The following CNTNAP1 variants were observed in gnomAD, a reference collection of about 807,000 sequenced individuals.
CNTNAP1 encodes the protein contactin associated protein 1.
A neutral mutation model predicts 161.5 loss-of-function variants in CNTNAP1; 80 were observed. That is an observed-to-expected ratio of 0.50 (90% CI 0.41 to 0.60). CNTNAP1 has a LOEUF of 0.60. Ranked by LOEUF, CNTNAP1 falls within the 20% of genes least tolerant of loss-of-function variation. The pLI is 0.00. For synonymous variants in CNTNAP1, 695 were observed against 733.1 expected (o/e 0.95, Z 0.84); for missense variants, 1,464 against 1,854.8 (o/e 0.79, Z 3.87).
chr17:42,690,250 A>G (rs2053067817), intron 12 of CNTNAP1, 43 bp downstream of exon 12: 1 of 1,610,004 alleles, frequency 6.2e-7, no homozygotes, highest in African/African-American at 1.3e-5. Flanking sequence ...GGGGAGAACC[A>G]GGAAGGATAG....
Position 42,691,063 on chromosome 17 carries a change from C to G in CNTNAP1, c.2060-74C>G. 6.3e-7 allele frequency: 1 copy of G among 1,596,356 alleles called. No individual in the cohort carries two copies. Among genetic ancestry groups the G allele is most frequent in the Non-Finnish European group, 8.5e-7 (1 of 1,170,582 alleles). On this transcript the variant is annotated intron_variant, in intron 13 of 23. Coordinates refer to ENST00000264638, the MANE Select transcript of CNTNAP1 (RefSeq NM_003632.3). This position sits in a 1 kb window ranked among gnomAD's most constrained non-coding sequence, Gnocchi z 4.3. ...GAAGATTCAAGGAGGGGTCTGAACT[C>G]GCTGGAAGGGCGAGAGGAGCCCAGA... is the stretch of plus-strand genomic sequence containing the variant.
rs2053184790 is a variant in CNTNAP1 at position 42,698,640 on chromosome 17, G to A, written c.3885G>A (p.Leu1295=). 6.3e-7 allele frequency: 1 copy of A among 1,599,760 alleles called. No homozygotes were observed. ...CAGTTTTGGTGGCCTTTCTGCTGCT[G>A]GGGCTGGTGGGAATGTTGGTGCTCT... The part of the protein sequence containing the change: ...LLGFLVAFLL[L]GLVGMLVLFY... The change falls in exon 24 of 24, where the codon CTG becomes CTA. Residue 1295 remains leucine, a synonymous_variant. Transcript: ENST00000264638.
chr17:42,697,411 A>G (rs760410986), intron 21 of CNTNAP1, 44 bp downstream of exon 21: 56 of 1,608,678 alleles, frequency 3.5e-5, no homozygotes, highest in Non-Finnish European at 4.8e-5. Flanking sequence ...GAGCTGTGGC[A>G]TATGTTCCTG....
At position 42,696,141 on chromosome 17, in the gene CNTNAP1, C is replaced by T; in HGVS notation, c.3463C>T (p.Leu1155Phe). 6.2e-7 allele frequency: 1 copy of T among 1,614,170 alleles called. No homozygotes were observed. Among genetic ancestry groups the T allele is most frequent in the Non-Finnish European group, 8.5e-7 (1 of 1,180,032 alleles). Residue 1155 changes from leucine (L) to phenylalanine (F), a missense_variant, in exon 20 of 24, where the codon CTC (leucine) becomes TTC (phenylalanine). Around this residue, in one of 3 missense-constraint regions of CNTNAP1, gnomAD observed 1,383 missense variants for 1,765.0 expected, o/e 0.78. Coordinates refer to ENST00000264638, the MANE Select transcript of CNTNAP1 (RefSeq NM_003632.3). Reference sequence around the variant, plus strand: ...CAATATCACCCGTGTTTACCGGAACCTCTTCATCCAGGTATGCATAGAGGG... The same window carrying T: ...CAATATCACCCGTGTTTACCGGAACTTCTTCATCCAGGTATGCATAGAGGG... ...SINITRVYRN[L>F]FIQVDYFPLT...
Position 42,691,403 on chromosome 17 carries a change from C to T in CNTNAP1, c.2236C>T (p.Leu746=), listed in dbSNP as rs200228308. 48 of 1,614,112 alleles carry T rather than the reference C, an allele frequency of 3.0e-5. No individual in the cohort carries two copies. The East Asian group carries it at 1.0e-3, about 34-fold the overall frequency. ...QPQWRTDKGL[L]TFVDHLPVTQ... Reference sequence around the variant, plus strand: ...CCACAGGAGAACTGACAAGGGACTGCTGACCTTTGTGGACCATCTGCCTGT... The same window carrying T: ...CCACAGGAGAACTGACAAGGGACTGTTGACCTTTGTGGACCATCTGCCTGT... Residue 746 remains leucine (L), a synonymous_variant, in exon 15 of 24, where the codon CTG becomes TTG. Coordinates refer to ENST00000264638, the MANE Select transcript of CNTNAP1 (RefSeq NM_003632.3). This position sits in a 1 kb window ranked among gnomAD's most constrained non-coding sequence, Gnocchi z 4.3.
Position 42,692,631 on chromosome 17 carries a change from G to A in CNTNAP1, c.2663G>A (p.Arg888Gln), listed in dbSNP as rs372141725. The A allele has an allele frequency of 1.3e-4, 217 of 1,614,094 alleles. No homozygotes were observed. Among genetic ancestry groups the A allele is most frequent in the Non-Finnish European group, 1.8e-4 (208 of 1,180,044 alleles). ...VRAEINVKQA[R>Q]LRVDHRPWVL... is the part of the protein sequence containing the mutation. ...GCTGAAATCAACGTGAAGCAGGCCCGGCTCCGAGTGGATCACCGGCCCTGG... is the reference window on the plus strand; with the variant it reads ...GCTGAAATCAACGTGAAGCAGGCCCAGCTCCGAGTGGATCACCGGCCCTGG... The change falls in exon 17 of 24, where the codon CGG becomes CAG. Residue 888 changes from arginine to glutamine, a missense_variant. Arg to Gln is a conservative substitution (Grantham distance 43). Transcript: ENST00000264638.
chr17:42,693,342 C>G lies in CNTNAP1; in HGVS notation c.2798C>G (p.Ala933Gly). The G allele has an allele frequency of 6.2e-7, 1 of 1,614,182 alleles. No individual in the cohort carries two copies. The highest frequency in any genetic ancestry group is 2.2e-5 in the East Asian group (1 of 44,874). ...KRRPFVGCLR[A>G]MRLNGVTLNL... ...CGCCCCTTTGTGGGTTGCTTGAGGGCCATGCGTCTGAACGGAGTGACTCTG... is the reference window on the plus strand; with the variant it reads ...CGCCCCTTTGTGGGTTGCTTGAGGGGCATGCGTCTGAACGGAGTGACTCTG... The change falls in exon 18 of 24, where the codon GCC becomes GGC. Residue 933 changes from alanine to glycine, a missense_variant. Coordinates refer to ENST00000264638, the MANE Select transcript of CNTNAP1 (RefSeq NM_003632.3).
In CNTNAP1 at chr17:42,689,595, T is replaced by C. The variant is rs749050042; in HGVS notation, c.1703T>C (p.Leu568Pro). Residue 568 changes from leucine to proline, a missense_variant, in exon 11 of 24, where the codon CTG (leucine) becomes CCG (proline). Coordinates refer to ENST00000264638, the MANE Select transcript of CNTNAP1 (RefSeq NM_003632.3). ...SWDDFICYCE[L>P]TGYKGETCHT... Reference sequence around the variant, plus strand: ...GATGACTTCATTTGCTACTGCGAACTGACGGGCTACAAGGGAGAGACCTGC... The same window carrying C: ...GATGACTTCATTTGCTACTGCGAACCGACGGGCTACAAGGGAGAGACCTGC... The C allele has an allele frequency of 1.2e-6, 2 of 1,613,926 alleles. No homozygotes were observed.
chr17:42,694,517 C>T (rs1451463877), intron 18 of CNTNAP1, among the ~76,000 whole-genome samples: 2 of 151,914 alleles, frequency 1.3e-5, no homozygotes, highest in Non-Finnish European at 2.9e-5. Flanking sequence ...TTAGGCCTAG[C>T]TACTCGGGAG....
rs1358716939 is a variant in CNTNAP1, at chr17:42,685,271, G to A, written c.566G>A (p.Arg189Gln). 2 of 1,613,764 alleles carry A rather than the reference G, an allele frequency of 1.2e-6. No homozygotes were observed. Among genetic ancestry groups the A allele is most frequent in the African/African-American group, 1.3e-5 (1 of 75,078 alleles). Residue 189 changes from arginine (R) to glutamine (Q), a missense_variant, in exon 5 of 24, where the codon CGA (arginine) becomes CAA (glutamine). This residue lies in a region of CNTNAP1 where 1,383 missense variants were observed against 1,765.0 expected (regional missense o/e 0.78). Coordinates refer to ENST00000264638, the MANE Select transcript of CNTNAP1 (RefSeq NM_003632.3). The surrounding 1 kb of genome is among the most constrained non-coding windows in gnomAD (Gnocchi z 5.0). ...GDDAISYRFP[R>Q]GVSRSLWDVF... ...GATGCCATCTCCTACCGCTTCCCGCGAGGGGTCAGCCGAAGCCTGTGGGAC... is the reference window on the plus strand; with the variant it reads ...GATGCCATCTCCTACCGCTTCCCGCAAGGGGTCAGCCGAAGCCTGTGGGAC...
rs2053030356 is a variant in CNTNAP1, at chr17:42,687,302, T to TG, written c.1044+258dup. 1.1e-5 allele frequency: 6 copies of TG among 528,774 alleles called. No individual in the cohort carries two copies. The highest frequency in any genetic ancestry group is 2.0e-5 in the Non-Finnish European group (6 of 300,210). 32.8% of individuals were successfully genotyped at this position (528,774 alleles called of 1,614,324 possible). On this transcript the variant is annotated intron_variant, in intron 7 of 23. Transcript: ENST00000264638. The surrounding 1 kb of genome is among the most constrained non-coding windows in gnomAD (Gnocchi z 4.7). ...GAAAGTAAGGCGCAGACACAGGGAGTGGCTTGTCCAGGGGTCGTGCAGCTG... is the reference window on the plus strand; with the variant it reads ...GAAAGTAAGGCGCAGACACAGGGAGTGGGCTTGTCCAGGGGTCGTGCAGCTG...
intron 19 of CNTNAP1, 23 bp from the exon 20 acceptor site, chr17:42,696,002 A>G (rs1310332712): frequency 6.2e-7 from 1 of 1,612,206 alleles, no homozygotes; most frequent in East Asian, 2.2e-5. Flanking sequence ...TGAGACCCCA[A>G]ATTTCTTCTC....
At position 42,687,828 on chromosome 17, in the gene CNTNAP1, G is replaced by C. The variant is rs780268591; in HGVS notation, c.1153G>C (p.Val385Leu). 3.1e-6 allele frequency: 5 copies of C among 1,614,258 alleles called. No individual in the cohort carries two copies. In the South Asian group the frequency reaches 5.5e-5, roughly 18 times the overall value. Residue 385 changes from valine to leucine, a missense_variant, in exon 8 of 24, where the codon GTC becomes CTC. By Grantham distance (32) the Val-to-Leu change is conservative (BLOSUM62 1). Around this residue, in one of 3 missense-constraint regions of CNTNAP1, gnomAD observed 1,383 missense variants for 1,765.0 expected, o/e 0.78. Coordinates refer to ENST00000264638, the MANE Select transcript of CNTNAP1 (RefSeq NM_003632.3). The surrounding 1 kb of genome is among the most constrained non-coding windows in gnomAD (Gnocchi z 4.7). ...TTTCCCACGCCGTGGCCGCCTGGCA[G>C]TCTCATTTCGCTTCCGCACCTGGGA... The part of the protein sequence containing the change: ...PGFPRRGRLA[V>L]SFRFRTWDLT...
In CNTNAP1 at chr17:42,687,271, G is replaced by A. The variant is rs2053029907; in HGVS notation, c.1044+225G>A. 1.7e-6 allele frequency: 1 copy of A among 578,656 alleles called. No homozygotes were observed. Among genetic ancestry groups the A allele is most frequent in the Non-Finnish European group, 3.0e-6 (1 of 335,396 alleles). 35.8% of individuals were successfully genotyped at this position (578,656 alleles called of 1,614,324 possible). A position where few individuals can be genotyped will look rare whatever the true frequency, so the allele number is the denominator to read the frequency against. ...GGTCCAATCACCTTCTTAGTTCATA[G>A]ATGAAGAAAGTAAGGCGCAGACACA... On this transcript the variant is annotated intron_variant, in intron 7 of 23. Coordinates refer to ENST00000264638, the MANE Select transcript of CNTNAP1 (RefSeq NM_003632.3). The surrounding 1 kb of genome is among the most constrained non-coding windows in gnomAD (Gnocchi z 4.7).
rs948826252 is a variant in CNTNAP1 at position 42,685,560 on chromosome 17, G to A, written c.715+140G>A. The A allele has an allele frequency of 1.4e-5, 11 of 773,504 alleles. No homozygotes were observed. The African/African-American group carries it at 1.6e-4, about 11-fold the overall frequency. The allele number at this position is 773,504 out of a possible 1,614,324, so 47.9% of individuals were successfully genotyped here. A position where few individuals can be genotyped will look rare whatever the true frequency, so the allele number is the denominator to read the frequency against. ...GCCTGGACCAAACTGCCCCTTTCTT[G>A]TAGCATTTGGTGCTAGCAAAACACT... On this transcript the variant is annotated intron_variant, in intron 5 of 23. Coordinates refer to ENST00000264638, the MANE Select transcript of CNTNAP1 (RefSeq NM_003632.3). The surrounding 1 kb of genome is among the most constrained non-coding windows in gnomAD (Gnocchi z 5.0).
chr17:42,692,772 C>A, intron 17 of CNTNAP1, 52 bp downstream of exon 17: 1 of 1,509,734 alleles, frequency 6.6e-7, no homozygotes, highest in Non-Finnish European at 9.0e-7. Flanking sequence ...TCCCCATCCT[C>A]CAAGGCCACT....
chr17:42,690,150 A>C lies in CNTNAP1; in HGVS notation c.1798A>C (p.Ile600Leu). The change falls in exon 12 of 24, where the codon ATT becomes CTT. Residue 600 changes from isoleucine to leucine, a missense_variant. By Grantham distance (5) the Ile-to-Leu change is conservative (BLOSUM62 2). Around this residue, in one of 3 missense-constraint regions of CNTNAP1, gnomAD observed 1,383 missense variants for 1,765.0 expected, o/e 0.78. Transcript: ENST00000264638. ...TGGGAAAACTTCTGGAAACTTCACC[A>C]TTGATCCTGATGGCAGTGGCCCCCT... ...LSGKTSGNFT[I>L]DPDGSGPLKP... 6.2e-7 allele frequency: 1 copy of C among 1,613,996 alleles called. No individual in the cohort carries two copies.
rs746451353 is a variant in CNTNAP1 at position 42,698,728 on chromosome 17, G to A, written c.3973G>A (p.Glu1325Lys). The stretch of plus-strand genomic sequence containing the variant: ...TACCAATGAGCCCAAGGCTGCCCAC[G>A]AGTACCATCCTGGCAGCAAACCTCC... ...YHTNEPKAAHEYHPGSKPPLP... is the reference protein window; with the variant it reads ...YHTNEPKAAHKYHPGSKPPLP... Residue 1325 changes from glutamate (E) to lysine (K), a missense_variant, in exon 24 of 24, where the codon GAG (glutamate) becomes AAG (lysine). Glu to Lys is a moderately conservative substitution (Grantham distance 56). This residue lies in a region of CNTNAP1 where 1,383 missense variants were observed against 1,765.0 expected (regional missense o/e 0.78). Coordinates refer to ENST00000264638, the MANE Select transcript of CNTNAP1 (RefSeq NM_003632.3). 4 of 1,613,482 alleles carry A rather than the reference G, an allele frequency of 2.5e-6. No homozygotes were observed. The highest frequency in any genetic ancestry group is 8.5e-7 in the Non-Finnish European group (1 of 1,179,902).
In CNTNAP1 at chr17:42,685,459, T is replaced by C. The variant is rs1426242120; in HGVS notation, c.715+39T>C. 1.3e-6 allele frequency: 2 copies of C among 1,565,958 alleles called. No homozygotes were observed. Among genetic ancestry groups the C allele is most frequent in the Non-Finnish European group, 1.7e-6 (2 of 1,157,038 alleles). ...CCATGTGCGATGCGGAGCCAACCCC[T>C]GAAGCTCTCTCACCGCCCTCCTCGT... On this transcript the variant is annotated intron_variant, in intron 5 of 23. Transcript: ENST00000264638. The surrounding 1 kb of genome is among the most constrained non-coding windows in gnomAD (Gnocchi z 5.0).
Sources: gnomAD v4.1 joint callset for allele counts (sites outside exome capture counted in the v4.1 genomes callset) on GRCh38, gnomAD v4.1.1 for gene constraint, gnomAD v4.1.1 regional missense constraint, Gnocchi (gnomAD v3.1) non-coding constraint, MANE v1.5 for transcripts, NCBI Gene and HGNC (gene_info 2026-07-23, HGNC 2026-07-21) for gene names.